ARPP21: variants seen among roughly 807,000 people sequenced by gnomAD.
ARPP21 encodes cAMP-regulated phosphoprotein 21.
Under a neutral mutation model 113.2 loss-of-function variants are expected in ARPP21, and 69 were observed. That is an observed-to-expected ratio of 0.61 (90% CI 0.50 to 0.74). ARPP21 has a LOEUF of 0.74. Among genes scored for constraint, ARPP21 ranks in the 30% least tolerant of loss-of-function variants. The pLI is 0.00. For synonymous variants in ARPP21, 368 were observed against 375.5 expected (o/e 0.98, Z 0.23); for missense variants, 1,070 against 1,037.4 (o/e 1.03, Z -0.43).
intron 19 of ARPP21, among the ~76,000 whole-genome samples, chr3:35,779,089 A>G (rs897992890): frequency 5.3e-5 from 8 of 152,182 alleles, no homozygotes; most frequent in Non-Finnish European, 8.8e-5. Context: ...TCCAAAACTT[A>G]TATTTTCTTT....
chr3:35,709,063 C>G lies in ARPP21; in HGVS notation c.890C>G (p.Ala297Gly). 1 of 1,608,704 alleles carries G rather than the reference C, an allele frequency of 6.2e-7. No individual in the cohort carries two copies. The change falls in exon 11 of 21, where the codon GCA (alanine) becomes GGA (glycine). Residue 297 changes from alanine (A) to glycine (G), a missense_variant. Coordinates refer to ENST00000684406, the MANE Select transcript of ARPP21 (RefSeq NM_001385562.1). ...CAGAGAGTGAGGGAGAGAATATTTG[C>G]ACACGATGTGAGTAGTTGTTTTAAT... ...EYQRVRERIFAHDSVCSQESL... is the reference protein window; with the variant it reads ...EYQRVRERIFGHDSVCSQESL...
Position 35,739,364 on chromosome 3 carries a change from G to T in ARPP21, c.1797G>T (p.Gln599His). The change falls in exon 18 of 21, where the codon CAG becomes CAT. Residue 599 changes from glutamine to histidine, a missense_variant. Physicochemically the swap from Gln to His is conservative, Grantham distance 24. Coordinates refer to ENST00000684406, the MANE Select transcript of ARPP21 (RefSeq NM_001385562.1). Reference protein sequence around the residue: ...TQFGQMTLSRQSSGETPEPPS... With the variant: ...TQFGQMTLSRHSSGETPEPPS... ...TTGGCCAGATGACCCTGAGCCGGCA[G>T]TCCTCGGGGGAGACTCCTGAACCCC... The T allele has an allele frequency of 6.2e-7, 1 of 1,614,096 alleles. No individual in the cohort carries two copies. The highest frequency in any genetic ancestry group is 2.2e-5 in the East Asian group (1 of 44,848).
intron 19 of ARPP21, among the ~76,000 whole-genome samples, chr3:35,759,177 C>A (rs1175159812): frequency 1.3e-5 from 2 of 151,960 alleles, no homozygotes; most frequent in Non-Finnish European, 2.9e-5. Flanking sequence ...GGTATATGAA[C>A]TTACAGATAG....
intron 1 of ARPP21, among the ~76,000 whole-genome samples, chr3:35,649,791 A>G (rs1701686352): frequency 6.6e-6 from 1 of 152,144 alleles, no homozygotes. Context: ...TGGAAAAATG[A>G]TAGGAATAAC....
At chr3:35,791,046 A>G (rs2096737250) in intron 19 of ARPP21, among the ~76,000 whole-genome samples, 1 of 152,198 alleles carries the variant, frequency 6.6e-6, no homozygotes. Context: ...TGATGAACTG[A>G]GCCAATCTCC....
At chr3:35,691,033 C>A (rs1386539888) in intron 9 of ARPP21, 28 bp downstream of exon 9, 2 of 1,585,008 alleles carry the variant, frequency 1.3e-6, no homozygotes, top group South Asian at 2.3e-5. Context: ...ACTTATTTAG[C>A]ATTTTCTTTT....
intron 19 of ARPP21, among the ~76,000 whole-genome samples, chr3:35,745,161 T>C (rs886145804): frequency 3.9e-5 from 6 of 152,342 alleles, no homozygotes; most frequent in Middle Eastern, 3.4e-3. Context: ...TTTTACAGTG[T>C]TTTGAGAACA....
intron 19 of ARPP21, among the ~76,000 whole-genome samples, chr3:35,789,697 G>A (rs574486288): frequency 1.1e-3 from 169 of 152,278 alleles, no homozygotes; most frequent in African/African-American, 3.9e-3. Flanking sequence ...AGCTGCATCT[G>A]GGCTGGCAGC....
chr3:35,768,405 A>C (rs1293927088), intron 19 of ARPP21, among the ~76,000 whole-genome samples: 1 of 152,138 alleles, frequency 6.6e-6, no homozygotes, highest in Non-Finnish European at 1.5e-5. Context: ...GAAATATGGA[A>C]CATTGGCTAA....
chr3:35,659,423 TTAGAAGACATTTA>T (rs751392379), intron 1 of ARPP21, among the ~76,000 whole-genome samples: 3 of 152,192 alleles, frequency 2.0e-5, no homozygotes, highest in Non-Finnish European at 4.4e-5. Flanking sequence ...GTTTAGATGA[TTAGAAGACATTTA>T]TAGAAGACAT....
At chr3:35,676,650 G>T (rs888607959) in intron 1 of ARPP21, among the ~76,000 whole-genome samples, 1 of 151,830 alleles carries the variant, frequency 6.6e-6, no homozygotes, top group Admixed American at 6.6e-5. Context: ...CATTTTGGGT[G>T]TGTAATTAAT....
chr3:35,683,806 T>G lies in ARPP21; in HGVS notation c.252T>G (p.Leu84=). Reference sequence around the variant, plus strand: ...CTGCCAGACCAGGAGGTGAAAGTCTTCAGGATCAGGTATATCCCCTTGCCA... The same window carrying G: ...CTGCCAGACCAGGAGGTGAAAGTCTGCAGGATCAGGTATATCCCCTTGCCA... The part of the protein sequence containing the change: ...ESSARPGGES[L]QDQESIHLQL... Residue 84 remains leucine, a synonymous_variant, in exon 5 of 21, where the codon CTT becomes CTG. Transcript: ENST00000684406. 1 of 1,463,060 alleles carries G rather than the reference T, an allele frequency of 6.8e-7. No homozygotes were observed. The highest frequency in any genetic ancestry group is 9.6e-7 in the Non-Finnish European group (1 of 1,044,276). 90.6% of individuals were successfully genotyped at this position (1,463,060 alleles called of 1,614,324 possible).
intron 19 of ARPP21, among the ~76,000 whole-genome samples, chr3:35,774,510 C>G (rs769638175): frequency 6.6e-6 from 1 of 152,100 alleles, no homozygotes. Flanking sequence ...TCTTCTACCC[C>G]CTTTTAAATA....
chr3:35,715,460 C>CT lies in ARPP21; in HGVS notation c.924dup (p.Val309CysfsTer5). The stretch of plus-strand genomic sequence containing the variant: ...TCAGTCAGTTTGCTCCCAGGAAAGC[C>CT]TTTTTGTGGAAAACAGGTAAAATAA... On this transcript the variant is annotated frameshift_variant, in exon 12 of 21. Transcript: ENST00000684406. LOFTEE classifies it high-confidence loss of function. 6.2e-7 allele frequency: 1 copy of CT among 1,612,608 alleles called. No homozygotes were observed. Among genetic ancestry groups the CT allele is most frequent in the Non-Finnish European group, 8.5e-7 (1 of 1,178,998 alleles).
intron 1 of ARPP21, among the ~76,000 whole-genome samples, chr3:35,646,173 T>C (rs931711857): frequency 1.3e-5 from 2 of 152,074 alleles, no homozygotes; most frequent in African/African-American, 2.4e-5. Flanking sequence ...CGAAATTCAA[T>C]GACTCCTCGT....
intron 19 of ARPP21, chr3:35,784,896 C>T (rs2096598360): frequency 1.3e-5 from 2 of 151,514 alleles, no homozygotes; most frequent in Non-Finnish European, 2.9e-5. Flanking sequence ...GAATCTGTGG[C>T]CATAGTACTT....
intron 18 of ARPP21, among the ~76,000 whole-genome samples, chr3:35,739,831 G>A (rs1447129072): frequency 6.6e-6 from 1 of 152,172 alleles, no homozygotes; most frequent in East Asian, 1.9e-4. Flanking sequence ...TTTCCAGGCT[G>A]CTGGTACAGA....
At chr3:35,646,810 A>T (rs1212431087) in intron 1 of ARPP21, among the ~76,000 whole-genome samples, 2 of 152,152 alleles carry the variant, frequency 1.3e-5, no homozygotes, top group East Asian at 3.8e-4. Context: ...ATTTACTTAG[A>T]TATGCTGATG....
intron 9 of ARPP21, among the ~76,000 whole-genome samples, chr3:35,692,423 T>G (rs2082498036): frequency 6.6e-6 from 1 of 151,660 alleles, no homozygotes; most frequent in Non-Finnish European, 1.5e-5. Flanking sequence ...GGCTTTTAGA[T>G]ATCATCATGC....
Sources: allele counts gnomAD v4.1 joint callset (sites outside exome capture counted in the v4.1 genomes callset), GRCh38; gene constraint gnomAD v4.1.1; transcripts MANE v1.5; gene names NCBI Gene and HGNC (gene_info 2026-07-23, HGNC 2026-07-21).